The following RNF220 variants were observed in gnomAD, a reference collection of about 807,000 sequenced individuals.
RNF220 encodes the protein E3 ubiquitin-protein ligase RNF220.
A neutral mutation model predicts 67.1 loss-of-function variants in RNF220; 7 were observed. That is an observed-to-expected ratio of 0.10 (90% CI 0.06 to 0.20). The LOEUF (loss-of-function observed/expected upper bound fraction) is 0.20. Among genes scored for constraint, RNF220 ranks in the 10% least tolerant of loss-of-function variants. RNF220 has a pLI of 1.00. For synonymous variants in RNF220, 270 were observed against 283.2 expected (o/e 0.95, Z 0.47); for missense variants, 565 against 740.3 (o/e 0.76, Z 2.75).
At chr1:44,474,946 A>C (rs1655161366) in intron 2 of RNF220, among the ~76,000 whole-genome samples, 1 of 152,180 alleles carries the variant, frequency 6.6e-6, no homozygotes, top group Non-Finnish European at 1.5e-5. Context: ...ATGGATACGA[A>C]GGGACAACTG....
intron 2 of RNF220, among the ~76,000 whole-genome samples, chr1:44,603,973 A>G (rs868738409): frequency 2.0e-5 from 3 of 152,228 alleles, no homozygotes; most frequent in African/African-American, 7.2e-5. Context: ...GGAGGTTCCC[A>G]CTTCATTTTT....
intron 2 of RNF220, among the ~76,000 whole-genome samples, chr1:44,491,840 T>A (rs746939630): frequency 6.6e-6 from 1 of 152,082 alleles, no homozygotes; most frequent in Non-Finnish European, 1.5e-5. Context: ...ATTTTTGTAT[T>A]TTTAGTGGAG....
rs1001527993 is a variant in RNF220 at position 44,566,356 on chromosome 1, C to T, written c.626-47809C>T. ...AGGTGGGTACCCAGGGGAGCCAAGA[C>T]TAAGTGCGGAGGGAGGGGGTGAATG... On this transcript the variant is annotated intron_variant, in intron 2 of 14. Transcript: ENST00000361799. Among the ~76,000 whole-genome samples, 3 of 152,116 alleles carry T rather than the reference C, an allele frequency of 2.0e-5. No homozygotes were observed. In the South Asian group the frequency reaches 6.2e-4, roughly 32 times the overall value.
chr1:44,523,963 A>G (rs751490002), intron 2 of RNF220, among the ~76,000 whole-genome samples: 4 of 152,204 alleles, frequency 2.6e-5, no homozygotes, highest in Non-Finnish European at 5.9e-5. Flanking sequence ...GGGGGACCCA[A>G]GAGCAGCGGC....
chr1:44,619,357 G>A (rs1242675323), intron 3 of RNF220, among the ~76,000 whole-genome samples: 2 of 152,220 alleles, frequency 1.3e-5, no homozygotes, highest in Non-Finnish European at 2.9e-5. Flanking sequence ...CTAGAGAAGA[G>A]GCGGGGTGTG....
At chr1:44,440,062 A>G (rs1490352875) in intron 2 of RNF220, among the ~76,000 whole-genome samples, 4 of 152,240 alleles carry the variant, frequency 2.6e-5, no homozygotes, top group Non-Finnish European at 5.9e-5. Flanking sequence ...CATTTCACGC[A>G]GGTAAGTAGC....
rs149170205 is a variant in RNF220, at chr1:44,645,516, G to A, written c.1445+28G>A. The A allele has an allele frequency of 4.6e-4, 737 of 1,608,728 alleles. 6 individuals are homozygous for A. The African/African-American group carries it at 9.1e-3, about 20-fold the overall frequency. On this transcript the variant is annotated intron_variant, in intron 12 of 14. Coordinates refer to ENST00000361799, the MANE Select transcript of RNF220 (RefSeq NM_018150.4). This position sits in a 1 kb window ranked among gnomAD's most constrained non-coding sequence, Gnocchi z 5.0. The stretch of plus-strand genomic sequence containing the variant: ...AAGTGTTTGGCCAGGAGAGAGCCCT[G>A]GGACCACAGTTCAGTGGGAGGAGGG...
intron 1 of RNF220, among the ~76,000 whole-genome samples, chr1:44,405,916 C>T (rs548759760): frequency 6.6e-6 from 1 of 152,328 alleles, no homozygotes; most frequent in South Asian, 2.1e-4. Flanking sequence ...TCTTAATAAG[C>T]CCCATTCCCA....
intron 2 of RNF220, among the ~76,000 whole-genome samples, chr1:44,449,078 C>G: frequency 6.6e-6 from 1 of 152,224 alleles, no homozygotes; most frequent in Non-Finnish European, 1.5e-5. Context: ...ATTGTATTAA[C>G]TTTCCATGTT....
intron 1 of RNF220, among the ~76,000 whole-genome samples, chr1:44,408,088 C>T (rs1045303446): frequency 2.0e-5 from 3 of 152,166 alleles, no homozygotes; most frequent in Non-Finnish European, 4.4e-5. Flanking sequence ...GAGGTCGGGC[C>T]AAAGAGTAGT....
chr1:44,456,144 A>C (rs1001654448), intron 2 of RNF220, among the ~76,000 whole-genome samples: 3 of 152,238 alleles, frequency 2.0e-5, no homozygotes, highest in Non-Finnish European at 4.4e-5. Flanking sequence ...ATCCAAGCCA[A>C]GACAATTACC....
Position 44,575,717 on chromosome 1 carries a change from C to T in RNF220, c.626-38448C>T, listed in dbSNP as rs156155. On this transcript the variant is annotated intron_variant, in intron 2 of 14. Coordinates refer to ENST00000361799, the MANE Select transcript of RNF220 (RefSeq NM_018150.4). ...CAGTTGGTGGGAATGTAAATTAGTA[C>T]AGACGTTATGGAAAACGATATGGAG... Among the ~76,000 whole-genome samples, 1,125 of 152,254 alleles carry T rather than the reference C, an allele frequency of 7.4e-3. 19 individuals carry two copies. The highest frequency in any genetic ancestry group is 0.026 in the African/African-American group (1,064 of 41,534).
chr1:44,607,741 G>A (rs186158704), intron 2 of RNF220, among the ~76,000 whole-genome samples: 2 of 151,690 alleles, frequency 1.3e-5, no homozygotes, highest in Admixed American at 6.6e-5. Flanking sequence ...CGCCCGCCTC[G>A]GCCTCCCAAA....
chr1:44,578,405 G>A (rs955506745), intron 2 of RNF220, among the ~76,000 whole-genome samples: 1 of 152,158 alleles, frequency 6.6e-6, no homozygotes, highest in African/African-American at 2.4e-5. Context: ...CAAAGTGCTG[G>A]GATTACAGGC....
At chr1:44,595,179 A>G (rs1279422181) in intron 2 of RNF220, among the ~76,000 whole-genome samples, 1 of 152,210 alleles carries the variant, frequency 6.6e-6, no homozygotes, top group African/African-American at 2.4e-5. Context: ...ACTTAAAGAA[A>G]GTGTGAGAAG....
At chr1:44,616,073 C>T (rs1375811815) in intron 3 of RNF220, among the ~76,000 whole-genome samples, 1 of 152,228 alleles carries the variant, frequency 6.6e-6, no homozygotes. Flanking sequence ...CTGCATAGGA[C>T]AGCTTGAATT....
At chr1:44,458,675 C>T (rs984342806) in intron 2 of RNF220, among the ~76,000 whole-genome samples, 13 of 152,184 alleles carry the variant, frequency 8.5e-5, no homozygotes, top group African/African-American at 1.9e-4. Flanking sequence ...TTAGAAACAA[C>T]AGTTCTCTTT....
chr1:44,450,311 G>GT (rs1362909074), intron 2 of RNF220, among the ~76,000 whole-genome samples: 2 of 151,926 alleles, frequency 1.3e-5, no homozygotes, highest in African/African-American at 2.4e-5. Context: ...AGGAGGTTGG[G>GT]TTTTTTTAAT....
chr1:44,631,920 A>T lies in RNF220; in HGVS notation c.907-423A>T, dbSNP rs553471970. The T allele has an allele frequency of 3.2e-5, 32 of 987,218 alleles. No individual in the cohort carries two copies. The African/African-American group carries it at 5.4e-4, about 17-fold the overall frequency. The allele number at this position is 987,218 out of a possible 1,614,324, so 61.2% of individuals were successfully genotyped here. A position where few individuals can be genotyped will look rare whatever the true frequency, so the allele number is the denominator to read the frequency against. On this transcript the variant is annotated intron_variant, in intron 5 of 14. Transcript: ENST00000361799. Reference sequence around the variant, plus strand: ...GTCTCTGTCCGGCCGCCCCCGCCGCATTGTGAACTTTCACCCCCAGCGCGC... The same window carrying T: ...GTCTCTGTCCGGCCGCCCCCGCCGCTTTGTGAACTTTCACCCCCAGCGCGC...
Sources: gnomAD v4.1 joint callset for allele counts (sites outside exome capture counted in the v4.1 genomes callset) on GRCh38, gnomAD v4.1.1 for gene constraint, Gnocchi (gnomAD v3.1) non-coding constraint, MANE v1.5 for transcripts, NCBI Gene and HGNC (gene_info 2026-07-23, HGNC 2026-07-21) for gene names.